RBFOX1: variants seen among roughly 807,000 people sequenced by gnomAD.
RBFOX1 encodes the protein RNA binding fox-1 homolog 1, also known as RNA binding protein fox-1 homolog 1.
A neutral mutation model predicts 57.7 loss-of-function variants in RBFOX1; 8 were observed. That is an observed-to-expected ratio of 0.14 (90% CI 0.08 to 0.25). The LOEUF is 0.25. Ranked by LOEUF, RBFOX1 falls within the 10% of genes least tolerant of loss-of-function variation. The pLI is 1.00. For missense variants in RBFOX1, 611 were observed against 548.5 expected (o/e 1.11, Z -1.14); for synonymous variants, 326 against 222.4 (o/e 1.47, Z -4.15).
At position 6,492,110 on chromosome 16, in the gene RBFOX1, A is replaced by G. The variant is rs139464362; in HGVS notation, c.-63-162493A>G. 1.5e-3 allele frequency among the ~76,000 whole-genome samples: 168 copies of G among 114,890 alleles called. 3 individuals are homozygous for G. The East Asian group carries it at 0.038, about 26-fold the overall frequency. The allele number at this position is 114,890 out of a possible 152,430, so 75.4% of individuals were successfully genotyped here. A position where few individuals can be genotyped will look rare whatever the true frequency, so the allele number is the denominator to read the frequency against. ...GGAAAAATAAACATAAATAGCAAGT[A>G]TATGAAAGTGTGTGTGTGTGTGCGG... On this transcript the variant is annotated intron_variant, in intron 2 of 15. Transcript: ENST00000550418.
intron 4 of RBFOX1, among the ~76,000 whole-genome samples, chr16:7,390,967 G>C (rs1030668786): frequency 2.0e-5 from 3 of 152,118 alleles, no homozygotes; most frequent in African/African-American, 4.8e-5. Flanking sequence ...GTGTGGCTTG[G>C]AACAGGGAGT....
At chr16:6,560,727 G>T (rs889446862) in intron 2 of RBFOX1, among the ~76,000 whole-genome samples, 2 of 152,216 alleles carry the variant, frequency 1.3e-5, no homozygotes, top group African/African-American at 4.8e-5. Flanking sequence ...GCTTAATGCA[G>T]TTTATAGCTG....
chr16:6,216,467 C>T (rs894449358), intron 1 of RBFOX1, among the ~76,000 whole-genome samples: 36 of 152,170 alleles, frequency 2.4e-4, no homozygotes, highest in South Asian at 6.2e-4. Flanking sequence ...CCTCTTAATC[C>T]GAACTGCTGT....
chr16:5,989,660 G>A (rs1207026775), intron 4 of RBFOX1, among the ~76,000 whole-genome samples: 3 of 151,996 alleles, frequency 2.0e-5, no homozygotes, highest in Non-Finnish European at 2.9e-5. Flanking sequence ...AATAAAGGGC[G>A]GTGGCTTCCA....
intron 4 of RBFOX1, among the ~76,000 whole-genome samples, chr16:7,313,312 G>A (rs1388903779): frequency 6.6e-6 from 1 of 152,088 alleles, no homozygotes; most frequent in East Asian, 1.9e-4. Flanking sequence ...GCAATGAGCA[G>A]TTAACACAGG....
chr16:7,075,700 T>G (rs908120934), intron 4 of RBFOX1, among the ~76,000 whole-genome samples: 1 of 151,872 alleles, frequency 6.6e-6, no homozygotes, highest in Non-Finnish European at 1.5e-5. Flanking sequence ...CCTGCCTCAG[T>G]CTCCCGAGTA....
chr16:6,865,000 T>TTTC (rs1555544562), intron 3 of RBFOX1, among the ~76,000 whole-genome samples: 5 of 116,996 alleles, frequency 4.3e-5, no homozygotes, highest in African/African-American at 1.9e-4. Flanking sequence ...TTTTTCTTTT[T>TTTC]TTTTTTTTTT....
intron 3 of RBFOX1, among the ~76,000 whole-genome samples, chr16:6,945,931 C>T (rs943667715): frequency 7.6e-4 from 116 of 152,324 alleles, no homozygotes; most frequent in African/African-American, 2.8e-3. Flanking sequence ...CCTAAGCCCC[C>T]AGGGGCGTTT....
At chr16:6,692,082 C>A (rs1276536066) in intron 3 of RBFOX1, among the ~76,000 whole-genome samples, 1 of 152,186 alleles carries the variant, frequency 6.6e-6, no homozygotes, top group Non-Finnish European at 1.5e-5. Flanking sequence ...ATATACAGAA[C>A]TGCAAGATAA....
At chr16:6,188,533 A>G (rs1412433864) in intron 1 of RBFOX1, among the ~76,000 whole-genome samples, 1 of 152,190 alleles carries the variant, frequency 6.6e-6, no homozygotes, top group Non-Finnish European at 1.5e-5. Flanking sequence ...GTATGAAACC[A>G]GAAACCTTCA....
At chr16:5,667,409 C>G (rs1415030411) in intron 3 of RBFOX1, among the ~76,000 whole-genome samples, 2 of 152,152 alleles carry the variant, frequency 1.3e-5, no homozygotes, top group Non-Finnish European at 2.9e-5. Flanking sequence ...TTATTAATTT[C>G]TATTTTGATT....
At chr16:6,931,204 T>C (rs185185882) in intron 3 of RBFOX1, among the ~76,000 whole-genome samples, 51 of 151,632 alleles carry the variant, frequency 3.4e-4, no homozygotes, top group African/African-American at 1.2e-3. Flanking sequence ...ATAATATTTT[T>C]AACCTCTTCT....
rs538058894 is a variant in RBFOX1, at chr16:5,563,302, C to A, written c.259-35600C>A. Reference sequence around the variant, plus strand: ...CCTGACCCATGTTCATTTCCATTTCCATTTCACTGATTCAAAACACCTCCT... The same window carrying A: ...CCTGACCCATGTTCATTTCCATTTCAATTTCACTGATTCAAAACACCTCCT... On this transcript the variant is annotated intron_variant, in intron 2 of 2. Coordinates refer to the RBFOX1 transcript ENST00000585867. 2.0e-5 allele frequency among the ~76,000 whole-genome samples: 3 copies of A among 152,300 alleles called. No homozygotes were observed. The South Asian group carries it at 6.2e-4, about 32-fold the overall frequency.
chr16:6,732,327 A>C (rs1198008137), intron 3 of RBFOX1, among the ~76,000 whole-genome samples: 1 of 152,190 alleles, frequency 6.6e-6, no homozygotes, highest in Non-Finnish European at 1.5e-5. Flanking sequence ...GCTCCTGTTC[A>C]GATTCTCACG....
chr16:6,652,178 C>T (rs1443381186), intron 2 of RBFOX1, among the ~76,000 whole-genome samples: 2 of 152,088 alleles, frequency 1.3e-5, no homozygotes, highest in East Asian at 1.9e-4. Context: ...CCACACCTTA[C>T]GGTGGCTCAC....
rs2094110431 is a variant in RBFOX1, at chr16:6,852,216, ATTC to A, written c.-16+197571_-16+197573del. Among the ~76,000 whole-genome samples the A allele has an allele frequency of 3.3e-5, 5 of 152,094 alleles. No individual in the cohort carries two copies. In the South Asian group the frequency reaches 1.0e-3, roughly 32 times the overall value. On this transcript the variant is annotated intron_variant, in intron 3 of 15. Transcript: ENST00000550418. ...TAGGGCTCTGCTTTCTCTGGAGTCT[ATTC>A]TTCTAGCTTGTAGTGGCTACATGAC...
At position 7,036,158 on chromosome 16, in the gene RBFOX1, C is replaced by T. The variant is rs2044353169; in HGVS notation, c.-15-15899C>T. ...CCTTGGGTGCCTTCTATCCCTATTTCCTTGTCTGGAGAATTGGTCCCATGG... is the reference window on the plus strand; with the variant it reads ...CCTTGGGTGCCTTCTATCCCTATTTTCTTGTCTGGAGAATTGGTCCCATGG... On this transcript the variant is annotated intron_variant, in intron 3 of 15. Coordinates refer to ENST00000550418, the MANE Select transcript of RBFOX1 (RefSeq NM_018723.4). Among the ~76,000 whole-genome samples, 3 of 151,680 alleles carry T rather than the reference C, an allele frequency of 2.0e-5. No individual in the cohort carries two copies. The South Asian group carries it at 6.3e-4, about 32-fold the overall frequency.
intron 5 of RBFOX1, among the ~76,000 whole-genome samples, chr16:7,531,394 C>T (rs967136787): frequency 6.6e-6 from 1 of 152,128 alleles, no homozygotes; most frequent in South Asian, 2.1e-4. Context: ...TTTCTGTGGA[C>T]AATCAGATTG....
At chr16:6,079,979 T>C (rs1597096649) in intron 1 of RBFOX1, among the ~76,000 whole-genome samples, 3 of 152,234 alleles carry the variant, frequency 2.0e-5, no homozygotes, top group African/African-American at 7.2e-5. Flanking sequence ...CTTAAACCAT[T>C]TGTGATTGAG....
Sources: gnomAD v4.1 joint callset for allele counts (sites outside exome capture counted in the v4.1 genomes callset) on GRCh38, gnomAD v4.1.1 for gene constraint, MANE v1.5 for transcripts, NCBI Gene and HGNC (gene_info 2026-07-23, HGNC 2026-07-21) for gene names.